Variants in LRRK2 observed in about 807,000 individuals in gnomAD.
LRRK2 encodes the protein leucine-rich repeat serine/threonine-protein kinase 2.
A neutral mutation model predicts 302.6 loss-of-function variants in LRRK2; 203 were observed. The observed-to-expected ratio is 0.67, with a 90% CI of 0.60 to 0.75. The LOEUF (loss-of-function observed/expected upper bound fraction) is 0.75. LRRK2 is among the 30% of genes least tolerant of loss of function. The pLI is 0.00. For missense variants in LRRK2, 2,830 were observed against 2,951.0 expected (o/e 0.96, Z 0.95); for synonymous variants, 1,066 against 1,031.9 (o/e 1.03, Z -0.63).
chr12:40,341,205 A>C (rs749696153), intron 41 of LRRK2, among the ~76,000 whole-genome samples: 6 of 152,156 alleles, frequency 3.9e-5, no homozygotes, highest in Non-Finnish European at 7.4e-5. Context: ...GGAACACTCT[A>C]TCTTTAGGGA....
chr12:40,320,473 G>T (rs2136882364), intron 34 of LRRK2, among the ~76,000 whole-genome samples: 1 of 152,120 alleles, frequency 6.6e-6, no homozygotes, highest in East Asian at 1.9e-4. Context: ...CTGTGTTTGT[G>T]TATGTGTGTG....
chr12:40,257,352 A>G lies in LRRK2; in HGVS notation c.1393A>G (p.Met465Val), dbSNP rs991465469. 1 of 1,612,920 alleles carries G rather than the reference A, an allele frequency of 6.2e-7. No homozygotes were observed. The highest frequency in any genetic ancestry group is 1.1e-5 in the South Asian group (1 of 91,074). ...TGAAGTGGCTGAAAGTGGCTGTAAA[A>G]TGCTAAATCATCTTTTTGAAGGAAG... is the stretch of plus-strand genomic sequence containing the variant. ...SPEVAESGCK[M>V]LNHLFEGSNT... Residue 465 changes from methionine to valine, a missense_variant, in exon 12 of 51, where the codon ATG becomes GTG. By Grantham distance (21) the Met-to-Val change is conservative (BLOSUM62 1). Coordinates refer to ENST00000298910, the MANE Select transcript of LRRK2 (RefSeq NM_198578.4).
chr12:40,299,216 G>T lies in LRRK2; in HGVS notation c.3455G>T (p.Cys1152Phe), dbSNP rs1329778559. 13 of 1,613,406 alleles carry T rather than the reference G, an allele frequency of 8.1e-6. No homozygotes were observed. The highest frequency in any genetic ancestry group is 2.5e-6 in the Non-Finnish European group (3 of 1,179,772). Residue 1152 changes from cysteine (C) to phenylalanine (F), a missense_variant, in exon 25 of 51, where the codon TGT (cysteine) becomes TTT (phenylalanine). Around this residue, in one of 3 missense-constraint regions of LRRK2, gnomAD observed 2,121 missense variants for 2,148.0 expected, o/e 0.99. Coordinates refer to ENST00000298910, the MANE Select transcript of LRRK2 (RefSeq NM_198578.4). ...SSLSENFLEA[C>F]PKVESFSARM... Reference sequence around the variant, plus strand: ...CTATCAGAGAACTTTCTTGAGGCTTGTCCTAAAGTGGAGAGTTTCAGTGCC... The same window carrying T: ...CTATCAGAGAACTTTCTTGAGGCTTTTCCTAAAGTGGAGAGTTTCAGTGCC...
intron 8 of LRRK2, 129 bp downstream of exon 8, chr12:40,250,074 C>A: frequency 8.9e-7 from 1 of 1,127,642 alleles, no homozygotes; most frequent in Non-Finnish European, 1.3e-6. Flanking sequence ...AGCTCATTTT[C>A]CAGTAGAGGA....
intron 18 of LRRK2, among the ~76,000 whole-genome samples, chr12:40,282,259 G>C (rs921985657): frequency 6.0e-5 from 9 of 150,656 alleles, no homozygotes; most frequent in African/African-American, 2.2e-4. Flanking sequence ...CCTTAAAGAG[G>C]ATTTTAGTAA....
At chr12:40,343,894 C>G (rs980343724) in intron 41 of LRRK2, among the ~76,000 whole-genome samples, 1 of 151,948 alleles carries the variant, frequency 6.6e-6, no homozygotes, top group African/African-American at 2.4e-5. Flanking sequence ...TTTAAAGAAG[C>G]TTTTAGAAGG....
intron 10 of LRRK2, 123 bp from the exon 11 acceptor site, chr12:40,252,787 G>T (rs1942331952): frequency 8.7e-6 from 6 of 689,122 alleles, no homozygotes; most frequent in Admixed American, 2.1e-5. Flanking sequence ...TGTAAGTGGA[G>T]GTGGCATGAA....
intron 13 of LRRK2, among the ~76,000 whole-genome samples, chr12:40,262,909 G>C (rs1942839647): frequency 6.6e-6 from 1 of 152,140 alleles, no homozygotes; most frequent in Non-Finnish European, 1.5e-5. Flanking sequence ...GAACCTCTTT[G>C]AGTACATTTT....
At chr12:40,273,027 G>T (rs1943298416) in intron 14 of LRRK2, among the ~76,000 whole-genome samples, 1 of 152,094 alleles carries the variant, frequency 6.6e-6, no homozygotes, top group South Asian at 2.1e-4. Flanking sequence ...CTCTCTCAAG[G>T]TTTATTCCAT....
chr12:40,261,420 ACAAT>A (rs1942770447), intron 13 of LRRK2, among the ~76,000 whole-genome samples: 1 of 152,182 alleles, frequency 6.6e-6, no homozygotes, highest in South Asian at 2.1e-4. Flanking sequence ...TTGTTAGTTA[ACAAT>A]CAATCAGATG....
At position 40,321,199 on chromosome 12, in the gene LRRK2, AATGAAGACTTATTAG is replaced by A. The variant is rs771022342; in HGVS notation, c.5170+14_5170+28del. 2.2e-5 allele frequency: 36 copies of A among 1,608,752 alleles called. No homozygotes were observed. The highest frequency in any genetic ancestry group is 2.9e-5 in the Non-Finnish European group (34 of 1,176,284). On this transcript the variant is annotated intron_variant, in intron 35 of 50. Coordinates refer to ENST00000298910, the MANE Select transcript of LRRK2 (RefSeq NM_198578.4). ...TGCTTTCAGGGAGAGGTAAGTATCT[AATGAAGACTTATTAG>A]ATTTTTAGAGACTATTAATTTAGAC... is the stretch of plus-strand genomic sequence containing the variant.
chr12:40,255,841 T>C (rs1156386398), intron 11 of LRRK2, among the ~76,000 whole-genome samples: 1 of 152,184 alleles, frequency 6.6e-6, no homozygotes, highest in Non-Finnish European at 1.5e-5. Flanking sequence ...AACTCTTTAT[T>C]GTATCTTAAT....
rs575501676 is a variant in LRRK2, at chr12:40,247,897, C to G, written c.839-1929C>G. On this transcript the variant is annotated intron_variant, in intron 7 of 50. Transcript: ENST00000298910. ...TTATTTCCACATTTACAGATGAGGT[C>G]CTGTGGTTCATCAATCTTTGTGTTT... 1.4e-4 allele frequency among the ~76,000 whole-genome samples: 21 copies of G among 151,342 alleles called. No individual in the cohort carries two copies. In the South Asian group the frequency reaches 1.9e-3, roughly 14 times the overall value.
chr12:40,251,544 A>T lies in LRRK2; in HGVS notation c.1181A>T (p.His394Leu), dbSNP rs1316655510. 9 of 1,608,272 alleles carry T rather than the reference A, an allele frequency of 5.6e-6. No homozygotes were observed. The highest frequency in any genetic ancestry group is 7.7e-6 in the Non-Finnish European group (9 of 1,176,176). ...LHEKIGDEDG[H>L]FPAHREVMLS... Reference sequence around the variant, plus strand: ...GAGAAGATTGGAGATGAAGATGGCCAGTTAGTAGTTTTGATTTTATATGAT... The same window carrying T: ...GAGAAGATTGGAGATGAAGATGGCCTGTTAGTAGTTTTGATTTTATATGAT... Residue 394 changes from histidine (H) to leucine (L), a missense_variant and splice_region_variant, in exon 10 of 51, where the codon CAT becomes CTT. Around this residue, in one of 3 missense-constraint regions of LRRK2, gnomAD observed 2,121 missense variants for 2,148.0 expected, o/e 0.99. Transcript: ENST00000298910.
At chr12:40,323,360 T>TA in intron 38 of LRRK2, 54 bp downstream of exon 38, 2 of 1,432,714 alleles carry the variant, frequency 1.4e-6, no homozygotes, top group Admixed American at 3.6e-5. Flanking sequence ...TTTCTCCTTA[T>TA]AATTTAGAAA....
chr12:40,284,255 G>A, intron 19 of LRRK2, 122 bp downstream of exon 19: 2 of 792,836 alleles, frequency 2.5e-6, no homozygotes, highest in South Asian at 2.3e-5. Flanking sequence ...TATTGCAAAG[G>A]TTTGGATTTT....
intron 39 of LRRK2, among the ~76,000 whole-genome samples, chr12:40,331,516 G>A (rs1348818782): frequency 6.6e-6 from 1 of 151,950 alleles, no homozygotes; most frequent in Non-Finnish European, 1.5e-5. Context: ...GCTTCCCTGG[G>A]CCGTATTGGA....
rs767760566 is a variant in LRRK2 at position 40,348,394 on chromosome 12, T to C, written c.6281-15T>C. 6.5e-7 allele frequency: 1 copy of C among 1,547,650 alleles called. No homozygotes were observed. Among genetic ancestry groups the C allele is most frequent in the South Asian group, 1.1e-5 (1 of 89,394 alleles). On this transcript the variant is annotated splice_polypyrimidine_tract_variant and intron_variant, in intron 42 of 50. Coordinates refer to ENST00000298910, the MANE Select transcript of LRRK2 (RefSeq NM_198578.4). Reference sequence around the variant, plus strand: ...CTTATTTAGTATGCTAGCATGATGTTTTTTAATGTTTTAGATCCAGTTAAA... The same window carrying C: ...CTTATTTAGTATGCTAGCATGATGTCTTTTAATGTTTTAGATCCAGTTAAA...
Position 40,314,281 on chromosome 12 carries a change from G to A in LRRK2, c.4738+108G>A, listed in dbSNP as rs987228972. 20 of 1,151,874 alleles carry A rather than the reference G, an allele frequency of 1.7e-5. No homozygotes were observed. In the East Asian group the frequency reaches 4.6e-4, roughly 27 times the overall value. 71.4% of individuals were successfully genotyped at this position (1,151,874 alleles called of 1,614,324 possible). ...TTCAAAGTTGAGAGAATATCCATAC[G>A]GTTCTTTAATAGGCCACTGATTTTT... On this transcript the variant is annotated intron_variant, in intron 32 of 50. Coordinates refer to ENST00000298910, the MANE Select transcript of LRRK2 (RefSeq NM_198578.4).
Sources: allele counts gnomAD v4.1 joint callset (sites outside exome capture counted in the v4.1 genomes callset), GRCh38; gene constraint gnomAD v4.1.1; regional missense constraint gnomAD v4.1.1; transcripts MANE v1.5; gene names NCBI Gene and HGNC (gene_info 2026-07-23, HGNC 2026-07-21).